Variants in RERG observed in about 807,000 individuals in gnomAD.
The protein encoded by RERG is ras-related and estrogen-regulated growth inhibitor.
A neutral mutation model predicts 23.2 loss-of-function variants in RERG; 25 were observed. The observed-to-expected ratio is 1.08, with a 90% confidence interval of 0.79 to 1.50. The LOEUF is 1.50. RERG is among the 40% of genes most tolerant of loss of function. The probability of loss-of-function intolerance (pLI) is 0.00; values close to 1 mark genes in which losing one functional copy is unlikely to be tolerated. For missense variants in RERG, 253 were observed against 250.1 expected, an observed-to-expected ratio of 1.01 and a Z score of -0.08; for synonymous variants, 81 against 89.1, an observed-to-expected ratio of 0.91 and a Z score of 0.51.
chr12:15,161,206 G>GAAAGAAAGAAAT, intron 2 of RERG, among the ~76,000 whole-genome samples: 1 of 143,562 alleles, frequency 7.0e-6, no homozygotes, highest in South Asian at 2.3e-4. Context: ...AAGAAAGAAA[G>GAAAGAAAGAAAT]AAAGAAAGAA....
chr12:15,181,853 G>A, intron 2 of RERG, among the ~76,000 whole-genome samples: 1 of 152,096 alleles, frequency 6.6e-6, no homozygotes, highest in East Asian at 1.9e-4. Flanking sequence ...AATACCTGCA[G>A]GGCATTGCAA....
intron 2 of RERG, chr12:15,217,018 A>G (rs1379225064): frequency 6.5e-6 from 1 of 155,010 alleles, no homozygotes; most frequent in Admixed American, 6.5e-5. Context: ...GCATTTTTAA[A>G]GCACCTAACA....
chr12:15,191,398 C>G (rs974679679), intron 2 of RERG, among the ~76,000 whole-genome samples: 2 of 152,190 alleles, frequency 1.3e-5, no homozygotes, highest in Non-Finnish European at 2.9e-5. Flanking sequence ...AAGCCACTCA[C>G]TATAGTGTCA....
chr12:15,209,371 T>A (rs1053633198), intron 2 of RERG, among the ~76,000 whole-genome samples: 3 of 152,180 alleles, frequency 2.0e-5, no homozygotes, highest in African/African-American at 7.2e-5. Context: ...GAGATAAGGA[T>A]GAAATTAAAA....
At chr12:15,150,742 C>A (rs1482102624) in intron 2 of RERG, among the ~76,000 whole-genome samples, 2 of 152,150 alleles carry the variant, frequency 1.3e-5, no homozygotes. Flanking sequence ...TTAATCGCTG[C>A]ATTCTCTTGT....
At chr12:15,143,865 C>T (rs545690720) in intron 2 of RERG, among the ~76,000 whole-genome samples, 2 of 152,256 alleles carry the variant, frequency 1.3e-5, no homozygotes, top group East Asian at 3.9e-4. Flanking sequence ...AAGATGTCAT[C>T]TAGGCAAAGA....
chr12:15,161,138 A>AAAGAAAGAAAG (rs1864598812), intron 2 of RERG, among the ~76,000 whole-genome samples: 1 of 41,580 alleles, frequency 2.4e-5, no homozygotes, highest in East Asian at 8.6e-4. Context: ...CCATCTCAGA[A>AAAGAAAGAAAG]AAAGAAAGAA....
chr12:15,142,823 T>C (rs1356227034), intron 2 of RERG, among the ~76,000 whole-genome samples: 1 of 152,250 alleles, frequency 6.6e-6, no homozygotes, highest in East Asian at 1.9e-4. Flanking sequence ...TCTGAAACTA[T>C]CATCATCTGT....
At chr12:15,126,724 C>CT (rs71042228) in intron 2 of RERG, among the ~76,000 whole-genome samples, 5,614 of 132,326 alleles carry the variant, frequency 0.042, 497 homozygotes, top group African/African-American at 0.14. Context: ...CTTTTTCTTT[C>CT]TTTTTTTTTT....
chr12:15,122,706 T>C (rs879430004), intron 2 of RERG, among the ~76,000 whole-genome samples: 2 of 152,176 alleles, frequency 1.3e-5, no homozygotes, highest in Non-Finnish European at 2.9e-5. Flanking sequence ...ATATTTTTTC[T>C]TTTGTACAAT....
At chr12:15,202,014 C>T (rs1393690215) in intron 2 of RERG, among the ~76,000 whole-genome samples, 2 of 151,768 alleles carry the variant, frequency 1.3e-5, no homozygotes, top group East Asian at 1.9e-4. Context: ...TCAGTAAGAT[C>T]TCAAAAGCCC....
At chr12:15,199,436 G>C (rs1393965329) in intron 2 of RERG, among the ~76,000 whole-genome samples, 1 of 151,636 alleles carries the variant, frequency 6.6e-6, no homozygotes, top group East Asian at 1.9e-4. Context: ...TTCAATCTTC[G>C]TATTCTTAGT....
At chr12:15,164,621 T>G (rs1167683283) in intron 2 of RERG, among the ~76,000 whole-genome samples, 1 of 152,184 alleles carries the variant, frequency 6.6e-6, no homozygotes, top group Non-Finnish European at 1.5e-5. Context: ...AATTTTCTAT[T>G]AGTTGCCATA....
chr12:15,114,589 C>T (rs946478165), intron 3 of RERG: 8 of 152,110 alleles, frequency 5.3e-5, no homozygotes, highest in Non-Finnish European at 7.4e-5. Flanking sequence ...TAATGCCTGA[C>T]TAGGTTACAG....
At chr12:15,183,457 A>G (rs1347658812) in intron 2 of RERG, among the ~76,000 whole-genome samples, 2 of 152,138 alleles carry the variant, frequency 1.3e-5, no homozygotes, top group African/African-American at 4.8e-5. Flanking sequence ...TTAATAAAGT[A>G]TCTCTTTTTT....
intron 2 of RERG, among the ~76,000 whole-genome samples, chr12:15,168,255 A>C (rs1864724722): frequency 6.6e-6 from 1 of 152,214 alleles, no homozygotes; most frequent in Non-Finnish European, 1.5e-5. Flanking sequence ...GGTGAAATAT[A>C]AGCATCATTT....
intron 2 of RERG, among the ~76,000 whole-genome samples, chr12:15,145,047 G>C (rs1261310170): frequency 6.6e-6 from 1 of 152,112 alleles, no homozygotes; most frequent in Admixed American, 6.5e-5. Flanking sequence ...TCCCCACAGG[G>C]AAGGTAAACC....
chr12:15,161,197 A>T (rs1027475545), intron 2 of RERG, among the ~76,000 whole-genome samples: 185 of 151,036 alleles, frequency 1.2e-3, no homozygotes, highest in African/African-American at 4.2e-3. Context: ...AAAGAAAGAA[A>T]GAAAGAAAGA....
chr12:15,151,209 G>C (rs1591649243), intron 2 of RERG, among the ~76,000 whole-genome samples: 2 of 151,968 alleles, frequency 1.3e-5, no homozygotes, highest in African/African-American at 4.8e-5. Flanking sequence ...TCTTAGAGTG[G>C]AAAACTGACT....
Sources: gnomAD v4.1 joint callset for allele counts (sites outside exome capture counted in the v4.1 genomes callset) on GRCh38, gnomAD v4.1.1 for gene constraint, MANE v1.5 for transcripts, NCBI Gene and HGNC (gene_info 2026-07-23, HGNC 2026-07-21) for gene names.